XKR9: variants seen among roughly 807,000 people sequenced by gnomAD.
XKR9 encodes the protein XK related 9, also known as XK-related protein 9.
In XKR9, 32 loss-of-function variants were observed where a neutral mutation model predicts 32.0. That is an observed-to-expected ratio of 1.00 (90% CI 0.76 to 1.34). The LOEUF (loss-of-function observed/expected upper bound fraction) is 1.34. XKR9 is among the 40% of genes most tolerant of loss of function. XKR9 has a pLI of 0.00. For missense variants in XKR9, 546 were observed against 429.7 expected (o/e 1.27, Z -2.39); for synonymous variants, 168 against 143.4 (o/e 1.17, Z -1.22).
intron 4 of XKR9, among the ~76,000 whole-genome samples, chr8:70,711,936 A>C (rs532535117): frequency 3.3e-5 from 5 of 150,100 alleles, no homozygotes; most frequent in African/African-American, 1.2e-4. Context: ...AGTGATACAC[A>C]ATTTACCCAT....
chr8:71,043,184 T>C, the XKR9 span, among the ~76,000 whole-genome samples: 1 of 152,322 alleles, frequency 6.6e-6, no homozygotes, highest in East Asian at 1.9e-4. Flanking sequence ...CCCAGTGCCC[T>C]GACACTCTGC....
chr8:71,056,447 C>G, the XKR9 span, among the ~76,000 whole-genome samples: 1 of 152,068 alleles, frequency 6.6e-6, no homozygotes, highest in African/African-American at 2.4e-5. Flanking sequence ...CCAAATTACT[C>G]AAGTATTTAT....
chr8:70,870,274 T>C, the XKR9 span, among the ~76,000 whole-genome samples: 2 of 152,210 alleles, frequency 1.3e-5, no homozygotes, highest in Non-Finnish European at 2.9e-5. Flanking sequence ...ACAAATGTGA[T>C]GGGTACTCTA....
chr8:70,844,999 A>G, the XKR9 span, among the ~76,000 whole-genome samples: 29 of 152,298 alleles, frequency 1.9e-4, no homozygotes, highest in Non-Finnish European at 3.4e-4. Context: ...TGTGTCTGGT[A>G]ATACTGATGC....
At chr8:70,850,843 A>C in the XKR9 span, among the ~76,000 whole-genome samples, 1 of 152,166 alleles carries the variant, frequency 6.6e-6, no homozygotes, top group Non-Finnish European at 1.5e-5. Flanking sequence ...ATGGGCAAAA[A>C]CTGGAAGCAT....
intron 4 of XKR9, among the ~76,000 whole-genome samples, chr8:70,712,594 A>G (rs1805955887): frequency 6.6e-6 from 1 of 152,138 alleles, no homozygotes. Flanking sequence ...TCCTGACTTC[A>G]AAGAGTTTGC....
the XKR9 span, among the ~76,000 whole-genome samples, chr8:70,926,227 A>G: frequency 6.6e-6 from 1 of 152,180 alleles, no homozygotes; most frequent in Non-Finnish European, 1.5e-5. Context: ...GGCACCCAGC[A>G]CCATGCCCGG....
the XKR9 span, among the ~76,000 whole-genome samples, chr8:71,046,400 T>C: frequency 0.031 from 4,657 of 152,304 alleles, 90 homozygotes; most frequent in Middle Eastern, 0.051. Context: ...GTGCATACAC[T>C]TCAGCTCTGT....
intron 4 of XKR9, among the ~76,000 whole-genome samples, chr8:70,713,722 A>C (rs1228221849): frequency 1.3e-5 from 2 of 152,206 alleles, no homozygotes; most frequent in East Asian, 3.8e-4. Flanking sequence ...CAGATGGAGA[A>C]TAAGTGGAGT....
intron 2 of XKR9, among the ~76,000 whole-genome samples, chr8:70,766,126 C>G (rs920719593): frequency 6.6e-6 from 1 of 151,632 alleles, no homozygotes; most frequent in African/African-American, 2.4e-5. Context: ...AAGTAGTTTT[C>G]TCTAATTCTG....
At chr8:70,838,175 A>G in the XKR9 span, among the ~76,000 whole-genome samples, 1 of 152,108 alleles carries the variant, frequency 6.6e-6, no homozygotes, top group Non-Finnish European at 1.5e-5. Context: ...AATAATAGTG[A>G]TGATAACAGA....
chr8:70,722,395 A>T (rs574290750), intron 4 of XKR9, among the ~76,000 whole-genome samples: 1 of 152,188 alleles, frequency 6.6e-6, no homozygotes, highest in South Asian at 2.1e-4. Context: ...ATAGTGTCAT[A>T]GGTCTTTATA....
the XKR9 span, among the ~76,000 whole-genome samples, chr8:70,920,534 T>C: frequency 6.6e-6 from 1 of 152,152 alleles, no homozygotes; most frequent in Non-Finnish European, 1.5e-5. Context: ...AAGCCCTTTT[T>C]GTGGGATACA....
chr8:70,843,637 G>C, the XKR9 span, among the ~76,000 whole-genome samples: 1 of 152,150 alleles, frequency 6.6e-6, no homozygotes, highest in African/African-American at 2.4e-5. Context: ...TGGGAACCTG[G>C]GGAGGTTCCC....
intron 2 of XKR9, among the ~76,000 whole-genome samples, chr8:70,761,451 A>G (rs1807307724): frequency 6.6e-6 from 1 of 152,110 alleles, no homozygotes; most frequent in Non-Finnish European, 1.5e-5. Flanking sequence ...GCATTTCTCT[A>G]ATGATCAGTG....
the XKR9 span, among the ~76,000 whole-genome samples, chr8:70,825,533 A>G: frequency 6.6e-6 from 1 of 152,088 alleles, no homozygotes; most frequent in Non-Finnish European, 1.5e-5. Context: ...TCTTGGAAAA[A>G]TTATCTTTGT....
At chr8:70,946,564 G>A in the XKR9 span, among the ~76,000 whole-genome samples, 1 of 152,148 alleles carries the variant, frequency 6.6e-6, no homozygotes, top group Non-Finnish European at 1.5e-5. Flanking sequence ...TGAGTAGCTT[G>A]TCTAAGACCA....
the XKR9 span, among the ~76,000 whole-genome samples, chr8:70,946,284 C>T: frequency 1.3e-5 from 2 of 151,934 alleles, no homozygotes; most frequent in Non-Finnish European, 2.9e-5. Flanking sequence ...TCTTTTTGGC[C>T]AGTCTTAACT....
the XKR9 span, among the ~76,000 whole-genome samples, chr8:70,918,373 G>A: frequency 6.6e-6 from 1 of 152,282 alleles, no homozygotes; most frequent in Non-Finnish European, 1.5e-5. Flanking sequence ...GAGAGCTTCT[G>A]TTTTTAGAAG....
Sources: allele counts gnomAD v4.1 joint callset (sites outside exome capture counted in the v4.1 genomes callset), GRCh38; gene constraint gnomAD v4.1.1; transcripts MANE v1.5; gene names NCBI Gene and HGNC (gene_info 2026-07-23, HGNC 2026-07-21).